Variants in QPCT observed in about 807,000 individuals in gnomAD.
QPCT encodes EC.
In QPCT, 44 loss-of-function variants were observed where a neutral mutation model predicts 43.4. The ratio of observed to expected loss-of-function variants is 1.01; its 90% CI spans 0.80 to 1.30. The LOEUF (loss-of-function observed/expected upper bound fraction) is 1.30. Among genes scored for constraint, QPCT ranks in the 50% most tolerant of loss-of-function variants. The pLI, the probability that QPCT is intolerant of heterozygous loss-of-function variation, is 0.00. For synonymous variants in QPCT, 168 were observed against 168.4 expected (o/e 1.00, Z 0.02); for missense variants, 526 against 436.5 (o/e 1.21, Z -1.83).
chr2:37,371,656 T>C (rs909737003), intron 5 of QPCT, among the ~76,000 whole-genome samples: 5 of 152,122 alleles, frequency 3.3e-5, no homozygotes, highest in Admixed American at 3.3e-4. Context: ...TCATGTAATC[T>C]CTTGTCATCT....
chr2:37,347,109 T>C (rs1672502968), intron 1 of QPCT, among the ~76,000 whole-genome samples: 1 of 134,148 alleles, frequency 7.5e-6, no homozygotes, highest in African/African-American at 2.9e-5. Flanking sequence ...CACACCTGTG[T>C]ATTTAGAGGC....
At position 37,344,723 on chromosome 2, in the gene QPCT, C is replaced by A; in HGVS notation, c.-9C>A. On this transcript the variant is annotated 5_prime_UTR_variant, in exon 1 of 7. Coordinates refer to ENST00000338415, the MANE Select transcript of QPCT (RefSeq NM_012413.4). ...CCCGGGGAACCCGCTCCCAGACAGA[C>A]TCGGAGAGATGGCAGGCGGAAGACA... 6.3e-7 allele frequency: 1 copy of A among 1,599,034 alleles called. No homozygotes were observed. The highest frequency in any genetic ancestry group is 8.5e-7 in the Non-Finnish European group (1 of 1,174,026).
chr2:37,357,310 G>A (rs1458974717), intron 2 of QPCT, among the ~76,000 whole-genome samples: 3 of 142,010 alleles, frequency 2.1e-5, no homozygotes, highest in Admixed American at 1.4e-4. Context: ...GACCCATTTT[G>A]TGGAATTTTT....
intron 1 of QPCT, 37 bp downstream of exon 1, chr2:37,344,888 C>A: frequency 6.6e-7 from 1 of 1,523,064 alleles, no homozygotes; most frequent in Non-Finnish European, 8.8e-7. Flanking sequence ...ACTTGAGCGG[C>A]TCTGGTCCGA....
chr2:37,347,218 C>CATATATATATAAA (rs1672520514), intron 1 of QPCT, among the ~76,000 whole-genome samples: 1 of 62,374 alleles, frequency 1.6e-5, no homozygotes, highest in Admixed American at 2.4e-4. Flanking sequence ...ATATATATAA[C>CATATATATATAAA]ATATATATAT....
chr2:37,366,110 T>G (rs952538381), intron 3 of QPCT, among the ~76,000 whole-genome samples: 5 of 152,034 alleles, frequency 3.3e-5, no homozygotes, highest in South Asian at 2.1e-4. Context: ...TAGAGTGAAG[T>G]GAGGACATTA....
chr2:37,357,844 G>C, intron 2 of QPCT, among the ~76,000 whole-genome samples: 1 of 151,926 alleles, frequency 6.6e-6, no homozygotes, highest in East Asian at 1.9e-4. Context: ...AGGCCACATG[G>C]GACTTGGCTA....
intron 2 of QPCT, among the ~76,000 whole-genome samples, chr2:37,357,398 C>T (rs1672773032): frequency 6.6e-6 from 1 of 150,502 alleles, no homozygotes; most frequent in Non-Finnish European, 1.5e-5. Context: ...TGATTTCTCT[C>T]TATTCAAACT....
chr2:37,351,630 C>G (rs1480229527), intron 1 of QPCT, among the ~76,000 whole-genome samples: 2 of 151,976 alleles, frequency 1.3e-5, no homozygotes, highest in Non-Finnish European at 2.9e-5. Context: ...GCCTGTAATC[C>G]CAGCACTTTG....
At chr2:37,358,897 C>G (rs1205142409) in intron 2 of QPCT, 2 of 152,264 alleles carry the variant, frequency 1.3e-5, no homozygotes, top group African/African-American at 4.8e-5. Flanking sequence ...AGGTGAGCAT[C>G]TGTATCTTTT....
chr2:37,372,753 A>C lies in QPCT; in HGVS notation c.1012A>C (p.Asn338His), dbSNP rs139934664. 2,634 of 1,613,364 alleles carry C rather than the reference A, an allele frequency of 1.6e-3. 5 individuals are homozygous for C. Among genetic ancestry groups the C allele is most frequent in the Admixed American group, 2.4e-3 (145 of 59,984 alleles). ...GCACACCATGGATGACAATGAAGAA[A>C]ATTTGGATGAATCAACCATTGACAA... ...VWHTMDDNEENLDESTIDNLN... is the reference protein window; with the variant it reads ...VWHTMDDNEEHLDESTIDNLN... Residue 338 changes from asparagine (N) to histidine (H), a missense_variant, in exon 7 of 7, where the codon AAT becomes CAT. Physicochemically the swap from Asn to His is moderately conservative, Grantham distance 68. Transcript: ENST00000338415.
intron 1 of QPCT, among the ~76,000 whole-genome samples, chr2:37,350,169 A>C (rs376442271): frequency 1.4e-4 from 21 of 152,362 alleles, no homozygotes; most frequent in African/African-American, 5.0e-4. Context: ...AGCACCGCAG[A>C]TGCCAAAGCC....
chr2:37,367,103 A>G, intron 3 of QPCT, 129 bp from the exon 4 acceptor site: 1 of 1,059,746 alleles, frequency 9.4e-7, no homozygotes, highest in South Asian at 1.6e-5. Flanking sequence ...ATTTTGCCAT[A>G]GTTTCACTTG....
chr2:37,350,619 C>T (rs1672599697), intron 1 of QPCT, among the ~76,000 whole-genome samples: 1 of 152,108 alleles, frequency 6.6e-6, no homozygotes, highest in Non-Finnish European at 1.5e-5. Flanking sequence ...ATTGGAAATC[C>T]CCAGACAGCG....
At chr2:37,363,979 T>C (rs1257561179) in intron 3 of QPCT, among the ~76,000 whole-genome samples, 2 of 152,216 alleles carry the variant, frequency 1.3e-5, no homozygotes, top group Non-Finnish European at 2.9e-5. Flanking sequence ...TTTTGGAGAA[T>C]AATTGTAACA....
At chr2:37,362,008 G>C (rs1197136623) in intron 3 of QPCT, among the ~76,000 whole-genome samples, 1 of 152,206 alleles carries the variant, frequency 6.6e-6, no homozygotes, top group Non-Finnish European at 1.5e-5. Context: ...AAAAGAGCAG[G>C]TTGCCTCATG....
chr2:37,347,170 T>TATATATATATATATTATATATATATAAC (rs1672512668), intron 1 of QPCT, among the ~76,000 whole-genome samples: 1 of 52,862 alleles, frequency 1.9e-5, no homozygotes, highest in African/African-American at 8.5e-5. Flanking sequence ...ATATAACATA[T>TATATATATATATATTATATATATATAAC]ATATATATAA....
intron 2 of QPCT, 40 bp downstream of exon 2, chr2:37,352,975 C>A: frequency 6.3e-7 from 1 of 1,586,388 alleles, no homozygotes. Context: ...TGTGTGAATA[C>A]TGTGCTTTCT....
Position 37,369,709 on chromosome 2 carries a change from A to G in QPCT, c.748A>G (p.Ile250Val), listed in dbSNP as rs757404079. Residue 250 changes from isoleucine to valine, a missense_variant, in exon 5 of 7, where the codon ATT (isoleucine) becomes GTT (valine). Physicochemically the swap from Ile to Val is conservative, Grantham distance 29. Transcript: ENST00000338415. ...GGATTTATTGGTCTTATTGGATTTG[A>G]TTGGAGCTCCAAACCCAACGTTTCC... ...GMDLLVLLDL[I>V]GAPNPTFPNF... 8.1e-6 allele frequency: 13 copies of G among 1,605,196 alleles called. No individual in the cohort carries two copies. Among genetic ancestry groups the G allele is most frequent in the Non-Finnish European group, 1.1e-5 (13 of 1,171,908 alleles).
Sources: allele counts gnomAD v4.1 joint callset (sites outside exome capture counted in the v4.1 genomes callset), GRCh38; gene constraint gnomAD v4.1.1; transcripts MANE v1.5; gene names NCBI Gene and HGNC (gene_info 2026-07-23, HGNC 2026-07-21).